Variants in RBMS3 observed in about 807,000 individuals in gnomAD.
RBMS3 encodes RNA-binding motif, single-stranded-interacting protein 3.
RBMS3 carries 27 observed loss-of-function variants against 66.8 expected under a neutral mutation model. The ratio of observed to expected loss-of-function variants is 0.40; its 90% CI spans 0.30 to 0.56. The LOEUF (loss-of-function observed/expected upper bound fraction) is 0.56, where lower values mean the gene tolerates loss of function less well. RBMS3 is among the 20% of genes least tolerant of loss of function. The pLI, the probability that RBMS3 is intolerant of heterozygous loss-of-function variation, is 0.40. For missense variants in RBMS3, 513 were observed against 549.5 expected, an observed-to-expected ratio of 0.93 and a Z score of 0.66; for synonymous variants, 188 against 183.0, an observed-to-expected ratio of 1.03 and a Z score of -0.22.
chr3:29,700,261 G>A (rs2052496443), intron 4 of RBMS3, among the ~76,000 whole-genome samples: 1 of 152,162 alleles, frequency 6.6e-6, no homozygotes, highest in Admixed American at 6.5e-5. Context: ...GCTCTTTGCT[G>A]TGATAAGCTA....
At chr3:29,514,638 G>A (rs1576075788) in intron 3 of RBMS3, among the ~76,000 whole-genome samples, 2 of 94,578 alleles carry the variant, frequency 2.1e-5, no homozygotes, top group South Asian at 3.6e-4. Context: ...ATATATATAT[G>A]TGTGATAGGC....
chr3:29,351,954 G>T (rs2036940393), intron 1 of RBMS3, among the ~76,000 whole-genome samples: 1 of 152,000 alleles, frequency 6.6e-6, no homozygotes, highest in South Asian at 2.1e-4. Context: ...ACTGGACCTA[G>T]AGTCCCAACA....
chr3:29,867,589 T>C (rs1032835144), intron 6 of RBMS3, among the ~76,000 whole-genome samples: 5 of 149,206 alleles, frequency 3.4e-5, no homozygotes, highest in African/African-American at 1.2e-4. Flanking sequence ...AACCTGGGCA[T>C]GTTCACATAT....
At chr3:29,707,780 G>A (rs1053512793) in intron 4 of RBMS3, among the ~76,000 whole-genome samples, 3 of 152,206 alleles carry the variant, frequency 2.0e-5, no homozygotes, top group Non-Finnish European at 4.4e-5. Context: ...ACGAGGGTAG[G>A]AATGGAAAGA....
At chr3:29,461,343 C>G (rs996152085) in intron 2 of RBMS3, among the ~76,000 whole-genome samples, 1 of 152,184 alleles carries the variant, frequency 6.6e-6, no homozygotes, top group African/African-American at 2.4e-5. Flanking sequence ...TTCTCCATTC[C>G]TGAAATTCAG....
intron 5 of RBMS3, among the ~76,000 whole-genome samples, chr3:29,742,027 C>T (rs193285603): frequency 9.3e-4 from 142 of 152,186 alleles, no homozygotes; most frequent in African/African-American, 2.9e-3. Context: ...TGAGTTTTGT[C>T]GGGTACACAA....
chr3:29,446,633 A>G (rs1380643502), intron 2 of RBMS3, among the ~76,000 whole-genome samples: 1 of 152,154 alleles, frequency 6.6e-6, no homozygotes, highest in East Asian at 1.9e-4. Flanking sequence ...TAGTGCATAA[A>G]CATGTCATAA....
chr3:29,340,814 G>A (rs2036238786), intron 1 of RBMS3, among the ~76,000 whole-genome samples: 1 of 152,028 alleles, frequency 6.6e-6, no homozygotes. Flanking sequence ...AGCAGAAATG[G>A]TAGCAAATAA....
chr3:29,858,019 A>G (rs1244910516), intron 6 of RBMS3, among the ~76,000 whole-genome samples: 1 of 152,242 alleles, frequency 6.6e-6, no homozygotes. Context: ...AAACAAAACC[A>G]ACATACTAAG....
intron 6 of RBMS3, among the ~76,000 whole-genome samples, chr3:29,776,403 C>T (rs528636067): frequency 6.6e-6 from 1 of 152,016 alleles, no homozygotes; most frequent in Non-Finnish European, 1.5e-5. Context: ...CCCATTAACT[C>T]GTCATTTAAC....
intron 2 of RBMS3, among the ~76,000 whole-genome samples, chr3:29,444,788 C>CTTTTTTTTTTTTTTTTTTTTTTTGTTTT (rs2041759519): frequency 2.0e-5 from 1 of 50,488 alleles, no homozygotes; most frequent in African/African-American, 6.1e-5. Context: ...AAATATATGC[C>CTTTTTTTTTTTTTTTTTTTTTTTGTTTT]TTTTTTTTTT....
At chr3:29,470,336 A>T (rs974761488) in intron 2 of RBMS3, among the ~76,000 whole-genome samples, 1 of 152,032 alleles carries the variant, frequency 6.6e-6, no homozygotes, top group African/African-American at 2.4e-5. Flanking sequence ...AGAAGTCTTC[A>T]GAAGTCAAAG....
At chr3:29,928,713 C>T (rs1015301546) in intron 10 of RBMS3, among the ~76,000 whole-genome samples, 4 of 152,030 alleles carry the variant, frequency 2.6e-5, no homozygotes, top group African/African-American at 9.7e-5. Context: ...GGGAATAACT[C>T]CTATGAATGA....
chr3:29,818,315 T>C (rs995289861), intron 6 of RBMS3, among the ~76,000 whole-genome samples: 1 of 152,022 alleles, frequency 6.6e-6, no homozygotes, highest in Non-Finnish European at 1.5e-5. Flanking sequence ...TTTTTCTTCT[T>C]TAATAAGTAA....
At chr3:29,883,051 C>T (rs2059773617) in intron 7 of RBMS3, among the ~76,000 whole-genome samples, 7 of 151,064 alleles carry the variant, frequency 4.6e-5, no homozygotes, top group South Asian at 2.1e-4. Flanking sequence ...GTTTTAAATT[C>T]GAAAAAAGAA....
At chr3:29,589,086 T>C (rs1268699088) in intron 4 of RBMS3, among the ~76,000 whole-genome samples, 1 of 152,122 alleles carries the variant, frequency 6.6e-6, no homozygotes, top group Non-Finnish European at 1.5e-5. Context: ...AGTTGTTAGA[T>C]AAAAACCACT....
intron 6 of RBMS3, among the ~76,000 whole-genome samples, chr3:29,780,606 A>G (rs2056597219): frequency 6.6e-6 from 1 of 152,150 alleles, no homozygotes; most frequent in Non-Finnish European, 1.5e-5. Flanking sequence ...GTATCAAATA[A>G]CTATCTAAAT....
chr3:29,481,727 C>G (rs1363830965), intron 2 of RBMS3, among the ~76,000 whole-genome samples: 1 of 152,146 alleles, frequency 6.6e-6, no homozygotes, highest in Non-Finnish European at 1.5e-5. Flanking sequence ...AGCATAAATG[C>G]TAAATCATGT....
intron 4 of RBMS3, among the ~76,000 whole-genome samples, chr3:29,649,662 G>A (rs1236590288): frequency 6.7e-6 from 1 of 149,726 alleles, no homozygotes; most frequent in Non-Finnish European, 1.5e-5. Context: ...AATCTGAAAT[G>A]TTTATCAAGT....
Sources: gnomAD v4.1 joint callset for allele counts (sites outside exome capture counted in the v4.1 genomes callset) on GRCh38, gnomAD v4.1.1 for gene constraint, MANE v1.5 for transcripts, NCBI Gene and HGNC (gene_info 2026-07-23, HGNC 2026-07-21) for gene names.